The following SH3PXD2A variants were observed in gnomAD, a reference collection of about 807,000 sequenced individuals.
SH3PXD2A encodes the protein SH3 and PX domains 2A.
SH3PXD2A carries 32 observed loss-of-function variants against 115.2 expected under a neutral mutation model. The ratio of observed to expected loss-of-function variants is 0.28; its 90% CI spans 0.21 to 0.37. The LOEUF is 0.37. Among genes scored for constraint, SH3PXD2A ranks in the 10% least tolerant of loss-of-function variants. SH3PXD2A has a pLI of 1.00. For synonymous variants in SH3PXD2A, 610 were observed against 629.1 expected (o/e 0.97, Z 0.45); for missense variants, 1,328 against 1,498.7 (o/e 0.89, Z 1.88).
intron 6 of SH3PXD2A, among the ~76,000 whole-genome samples, chr10:103,676,697 A>G (rs1171322088): frequency 6.6e-6 from 1 of 152,064 alleles, no homozygotes; most frequent in Non-Finnish European, 1.5e-5. Context: ...AGCCTCTCTG[A>G]TCCCAGCAGC....
At chr10:103,738,718 C>T (rs2038408908) in intron 3 of SH3PXD2A, among the ~76,000 whole-genome samples, 1 of 152,116 alleles carries the variant, frequency 6.6e-6, no homozygotes, top group Non-Finnish European at 1.5e-5. Flanking sequence ...GTCCCTCTCC[C>T]AGCCCCCAAT....
intron 5 of SH3PXD2A, among the ~76,000 whole-genome samples, chr10:103,717,007 A>G (rs2038112992): frequency 6.6e-6 from 1 of 152,206 alleles, no homozygotes; most frequent in African/African-American, 2.4e-5. Context: ...ACACCGTGCC[A>G]GGTTTGTTTG....
rs1171901572 is a variant in SH3PXD2A, at chr10:103,665,785, G to T, written c.472+2823C>A. 6.6e-6 allele frequency among the ~76,000 whole-genome samples: 1 copy of T among 152,208 alleles called. No homozygotes were observed. The highest frequency in any genetic ancestry group is 2.4e-5 in the African/African-American group (1 of 41,448). On this transcript the variant is annotated intron_variant, in intron 7 of 14. Transcript: ENST00000369774. This position sits in a 1 kb window ranked among gnomAD's most constrained non-coding sequence, Gnocchi z 4.0. ...AGGGGCTGGAGGAGTCTGCCTGAGT[G>T]GGGAGGGGGCAGTGGAGGGAGCCTG...
Position 103,841,891 on chromosome 10 carries a change from G to A in SH3PXD2A, c.72+13304C>T, listed in dbSNP as rs540914175. Among the ~76,000 whole-genome samples, 16 of 152,266 alleles carry A rather than the reference G, an allele frequency of 1.1e-4. 1 individual carries two copies. In the East Asian group the frequency reaches 2.3e-3, roughly 22 times the overall value. On this transcript the variant is annotated intron_variant, in intron 1 of 14. Transcript: ENST00000369774. ...TGTAATCCCAGCACTCTGGGAGGCC[G>A]AGACGGGTGGATCACGAGGTCAGGA...
chr10:103,722,116 C>T (rs1196936262), intron 5 of SH3PXD2A, among the ~76,000 whole-genome samples: 5 of 151,852 alleles, frequency 3.3e-5, no homozygotes, highest in African/African-American at 1.2e-4. Flanking sequence ...CCAACCTCGC[C>T]AACATGGTGA....
chr10:103,703,619 C>T lies in SH3PXD2A; in HGVS notation c.399-10563G>A, dbSNP rs182302825. Among the ~76,000 whole-genome samples the T allele has an allele frequency of 3.2e-4, 49 of 152,292 alleles. 1 individual carries two copies. The highest frequency in any genetic ancestry group is 1.0e-3 in the African/African-American group (43 of 41,560). ...AAAGGAGCTGTCCAGTAGAATTCTC[C>T]GGGGTAATGGAAATAGTCTCTATCT... is the stretch of plus-strand genomic sequence containing the variant. On this transcript the variant is annotated intron_variant, in intron 5 of 14. Transcript: ENST00000369774.
chr10:103,612,982 C>T lies in SH3PXD2A; in HGVS notation c.1129G>A (p.Glu377Lys). The change falls in exon 12 of 15, where the codon GAG (glutamate) becomes AAG (lysine). Residue 377 changes from glutamate to lysine, a missense_variant. By Grantham distance (56) the Glu-to-Lys change is moderately conservative. Around this residue, in one of 5 missense-constraint regions of SH3PXD2A, gnomAD observed 509 missense variants for 628.3 expected, o/e 0.81. Transcript: ENST00000369774. ...TTGCAGAGGATGGGCAGGCTGATCT[C>T]CTTCTTGGCAATGGGGGCCTCATGG... The part of the protein sequence containing the change: ...EGHEAPIAKK[E>K]ISLPILCNAS... 1 of 1,614,254 alleles carries T rather than the reference C, an allele frequency of 6.2e-7. No homozygotes were observed. The highest frequency in any genetic ancestry group is 8.5e-7 in the Non-Finnish European group (1 of 1,180,046).
At chr10:103,772,699 A>T (rs547096830) in intron 2 of SH3PXD2A, among the ~76,000 whole-genome samples, 1 of 152,338 alleles carries the variant, frequency 6.6e-6, no homozygotes, top group South Asian at 2.1e-4. Flanking sequence ...AGGGCTCCGC[A>T]GCAATCCACG....
intron 8 of SH3PXD2A, among the ~76,000 whole-genome samples, chr10:103,652,686 G>C (rs763672292): frequency 5.3e-5 from 8 of 152,120 alleles, no homozygotes; most frequent in Non-Finnish European, 7.4e-5. Flanking sequence ...TGTGTGGGGT[G>C]ATCTTTTCCC....
intron 2 of SH3PXD2A, among the ~76,000 whole-genome samples, chr10:103,771,487 C>G (rs1003081371): frequency 7.9e-5 from 12 of 152,214 alleles, no homozygotes; most frequent in Middle Eastern, 3.4e-3. Flanking sequence ...CGCAGTAGCT[C>G]ACGCCTATAA....
chr10:103,708,282 G>C (rs569227202), intron 5 of SH3PXD2A, among the ~76,000 whole-genome samples: 1 of 152,154 alleles, frequency 6.6e-6, no homozygotes, highest in Non-Finnish European at 1.5e-5. Flanking sequence ...CTCAGCTCGG[G>C]TCCCCAAGCT....
chr10:103,772,222 C>CT (rs888003780), intron 2 of SH3PXD2A, among the ~76,000 whole-genome samples: 20 of 152,174 alleles, frequency 1.3e-4, no homozygotes, highest in African/African-American at 4.8e-4. Flanking sequence ...GTCACCCCTC[C>CT]TAGAGGGCCA....
Position 103,603,376 on chromosome 10 carries a change from C to G in SH3PXD2A, c.1842G>C (p.Leu614=). The G allele has an allele frequency of 6.2e-7, 1 of 1,614,168 alleles. No homozygotes were observed. Among genetic ancestry groups the G allele is most frequent in the Non-Finnish European group, 8.5e-7 (1 of 1,180,028 alleles). ...CATTCTCATAGATGGTCTCCTCTTC[C>G]AGGGCCACATCCTCTGAAGACTCAC... The part of the protein sequence containing the change: ...KVGESSEDVA[L]EEETIYENEG... Residue 614 remains leucine (L), a synonymous_variant, in exon 15 of 15, where the codon CTG becomes CTC. Transcript: ENST00000369774.
chr10:103,679,969 CTTTTA>C (rs1308510963), intron 6 of SH3PXD2A, among the ~76,000 whole-genome samples: 2 of 152,074 alleles, frequency 1.3e-5, no homozygotes, highest in Admixed American at 6.6e-5. Flanking sequence ...TCTGCCTTCT[CTTTTA>C]TTTTATTTAT....
In SH3PXD2A at chr10:103,855,348, G is replaced by A. The variant is rs1212850445; in HGVS notation, c.-82C>T. 15 of 1,094,844 alleles carry A rather than the reference G, an allele frequency of 1.4e-5. No individual in the cohort carries two copies. Among genetic ancestry groups the A allele is most frequent in the Non-Finnish European group, 1.9e-5 (15 of 797,754 alleles). 67.8% of individuals were successfully genotyped at this position (1,094,844 alleles called of 1,614,324 possible). ...GCTCCGGCTCCTTCTCCAGCTGCCG[G>A]GGTCCCGGGGCCGCCCGCCACCCCG... is the stretch of plus-strand genomic sequence containing the variant. On this transcript the variant is annotated 5_prime_UTR_variant, in exon 1 of 15. Transcript: ENST00000369774.
chr10:103,683,098 G>A (rs943576814), intron 6 of SH3PXD2A, among the ~76,000 whole-genome samples: 7 of 152,040 alleles, frequency 4.6e-5, no homozygotes, highest in East Asian at 1.9e-4. Flanking sequence ...GGTGGCTCAC[G>A]TCTGTAATCC....
Position 103,603,385 on chromosome 10 carries a change from A to G in SH3PXD2A, c.1833T>C (p.Asp611=). Reference sequence around the variant, plus strand: ...AGATGGTCTCCTCTTCCAGGGCCACATCCTCTGAAGACTCACCCACCTTGA... The same window carrying G: ...AGATGGTCTCCTCTTCCAGGGCCACGTCCTCTGAAGACTCACCCACCTTGA... The part of the protein sequence containing the change: ...ARFKVGESSE[D]VALEEETIYE... Residue 611 remains aspartate (D), a synonymous_variant, in exon 15 of 15, where the codon GAT becomes GAC. Transcript: ENST00000369774. The G allele has an allele frequency of 6.2e-7, 1 of 1,614,156 alleles. No homozygotes were observed. Among genetic ancestry groups the G allele is most frequent in the Non-Finnish European group, 8.5e-7 (1 of 1,180,004 alleles).
intron 11 of SH3PXD2A, among the ~76,000 whole-genome samples, chr10:103,615,245 A>C (rs1477897405): frequency 1.3e-5 from 2 of 152,180 alleles, no homozygotes; most frequent in African/African-American, 4.8e-5. Context: ...CTGTAGAGCT[A>C]TGGGGAGAGG....
Position 103,599,476 on chromosome 10 carries a change from C to T in SH3PXD2A, c.*2340G>A, listed in dbSNP as rs1592253568. ...AGGAGCGAGGCTGCAGGGCCCTCCC[C>T]CTGGAAGATAGCTACATTGAAGGTT... On this transcript the variant is annotated 3_prime_UTR_variant, in exon 15 of 15. Transcript: ENST00000369774. 1 of 152,604 alleles carries T rather than the reference C, an allele frequency of 6.6e-6. No homozygotes were observed. Among genetic ancestry groups the T allele is most frequent in the East Asian group, 1.9e-4 (1 of 5,202 alleles). The allele number at this position is 152,604 out of a possible 1,614,324, so 9.5% of individuals were successfully genotyped here. A position where few individuals can be genotyped will look rare whatever the true frequency, so the allele number is the denominator to read the frequency against.
Sources: allele counts gnomAD v4.1 joint callset (sites outside exome capture counted in the v4.1 genomes callset), GRCh38; gene constraint gnomAD v4.1.1; regional missense constraint gnomAD v4.1.1; non-coding constraint Gnocchi (gnomAD v3.1); transcripts MANE v1.5; gene names NCBI Gene and HGNC (gene_info 2026-07-23, HGNC 2026-07-21).